DNAH6: variants seen among roughly 807,000 people sequenced by gnomAD.
The protein encoded by DNAH6 is dynein axonemal heavy chain 6.
Under a neutral mutation model 491.4 loss-of-function variants are expected in DNAH6, and 340 were observed. That is an observed-to-expected ratio of 0.69 (90% CI 0.63 to 0.76). The LOEUF is 0.76. Among genes scored for constraint, DNAH6 ranks in the 30% least tolerant of loss-of-function variants. The probability of loss-of-function intolerance (pLI) is 0.00; values close to 1 mark genes in which losing one functional copy is unlikely to be tolerated. For missense variants in DNAH6, 4,443 were observed against 4,972.2 expected, an observed-to-expected ratio of 0.89 and a Z score of 3.20; for synonymous variants, 1,603 against 1,686.1, an observed-to-expected ratio of 0.95 and a Z score of 1.21.
upstream of DNAH6, among the ~76,000 whole-genome samples, chr2:84,512,831 A>G (rs147689353): frequency 2.6e-5 from 4 of 152,300 alleles, no homozygotes; most frequent in African/African-American, 7.2e-5. Flanking sequence ...TACAGTATGC[A>G]TGAAATATCT....
chr2:84,647,867 C>G (rs1690045838), intron 33 of DNAH6, among the ~76,000 whole-genome samples: 1 of 152,172 alleles, frequency 6.6e-6, no homozygotes, highest in African/African-American at 2.4e-5. Context: ...AGTTCTTGAT[C>G]ACTGAAAATG....
chr2:84,696,163 ATATAC>A (rs1695361701), intron 46 of DNAH6, among the ~76,000 whole-genome samples: 1 of 151,850 alleles, frequency 6.6e-6, no homozygotes, highest in Non-Finnish European at 1.5e-5. Flanking sequence ...ATTAATAGCT[ATATAC>A]TATATTTCAT....
At chr2:84,615,721 T>C (rs1254135560) in intron 22 of DNAH6, among the ~76,000 whole-genome samples, 1 of 152,126 alleles carries the variant, frequency 6.6e-6, no homozygotes, top group Non-Finnish European at 1.5e-5. Context: ...CAGCAGTGTT[T>C]TGTAGTTTTC....
At chr2:84,724,643 C>A (rs1228384307) in intron 60 of DNAH6, among the ~76,000 whole-genome samples, 1 of 152,190 alleles carries the variant, frequency 6.6e-6, no homozygotes, top group Non-Finnish European at 1.5e-5. Flanking sequence ...GGACTGCAAA[C>A]ATCTAGAGGC....
intron 53 of DNAH6, 92 bp from the exon 54 acceptor site, chr2:84,707,420 AATAATGCT>A: frequency 8.9e-7 from 1 of 1,123,756 alleles, no homozygotes; most frequent in Non-Finnish European, 1.2e-6. Context: ...TCATTAGCTA[AATAATGCT>A]ATTCTGCTAT....
intron 44 of DNAH6, 137 bp downstream of exon 44, chr2:84,686,694 C>G (rs1480487867): frequency 3.6e-6 from 2 of 561,664 alleles, no homozygotes; most frequent in Non-Finnish European, 6.3e-6. Context: ...AAACTATGGC[C>G]CATGAGCCAC....
intron 19 of DNAH6, among the ~76,000 whole-genome samples, chr2:84,605,022 G>A (rs1573190656): frequency 6.6e-6 from 1 of 152,234 alleles, no homozygotes; most frequent in South Asian, 2.1e-4. Context: ...AAGCAAATTA[G>A]TGTCATCTAT....
Position 84,710,273 on chromosome 2 carries a change from G to A in DNAH6, c.9253-14G>A, listed in dbSNP as rs1407773247. On this transcript the variant is annotated splice_polypyrimidine_tract_variant and intron_variant, in intron 55 of 76. Transcript: ENST00000389394. ...CTCTGAAGCAAATGTTCTGCTCTGTGCTTTTCCAAACAGGCAAACCGTTGG... is the reference window on the plus strand; with the variant it reads ...CTCTGAAGCAAATGTTCTGCTCTGTACTTTTCCAAACAGGCAAACCGTTGG... 2 of 1,551,198 alleles carry A rather than the reference G, an allele frequency of 1.3e-6. No homozygotes were observed. The highest frequency in any genetic ancestry group is 1.7e-6 in the Non-Finnish European group (2 of 1,146,772).
intron 19 of DNAH6, among the ~76,000 whole-genome samples, chr2:84,604,935 C>T (rs1685606138): frequency 6.6e-6 from 1 of 152,202 alleles, no homozygotes; most frequent in Non-Finnish European, 1.5e-5. Flanking sequence ...AAAATATATA[C>T]ACACCTACTA....
At chr2:84,476,570 C>T in the DNAH6 span, among the ~76,000 whole-genome samples, 2 of 152,262 alleles carry the variant, frequency 1.3e-5, no homozygotes, top group Admixed American at 6.5e-5. Flanking sequence ...TTTTTACACT[C>T]ATCCTCCTCT....
intron 63 of DNAH6, among the ~76,000 whole-genome samples, chr2:84,748,552 T>C (rs1558993811): frequency 6.6e-6 from 1 of 152,158 alleles, no homozygotes; most frequent in Non-Finnish European, 1.5e-5. Context: ...CTTATTTCCA[T>C]CTGAGACTTT....
rs954143243 is a variant in DNAH6 at position 84,642,060 on chromosome 2, T to C, written c.5078+6T>C. 19 of 1,528,956 alleles carry C rather than the reference T, an allele frequency of 1.2e-5. No individual in the cohort carries two copies. The highest frequency in any genetic ancestry group is 1.5e-5 in the Non-Finnish European group (17 of 1,127,682). The allele number at this position is 1,528,956 out of a possible 1,614,324, so 94.7% of individuals were successfully genotyped here. ...GATGATGCTCTTCTGTTCAGGTAAG[T>C]TTGTAGACATTACCAAGTAAAGCAT... is the stretch of plus-strand genomic sequence containing the variant. On this transcript the variant is annotated splice_donor_region_variant and intron_variant, in intron 33 of 76. Transcript: ENST00000389394.
intron 59 of DNAH6, 33 bp from the exon 60 acceptor site, chr2:84,722,592 T>A: frequency 6.6e-7 from 1 of 1,509,166 alleles, no homozygotes; most frequent in Non-Finnish European, 8.9e-7. Context: ...CTGGAACAGA[T>A]CCCTAAGAAC....
At chr2:84,471,474 A>T in the DNAH6 span, among the ~76,000 whole-genome samples, 1 of 152,188 alleles carries the variant, frequency 6.6e-6, no homozygotes, top group Non-Finnish European at 1.5e-5. Flanking sequence ...TTCATGCTGA[A>T]TAGGGGCGAT....
chr2:84,525,679 A>T lies in DNAH6; in HGVS notation c.340A>T (p.Ser114Cys). The change falls in exon 3 of 77, where the codon AGT becomes TGT. Residue 114 changes from serine (S) to cysteine (C), a missense_variant. Transcript: ENST00000389394. ...ACGTCCAGTAAGCATAGCAAAAAAA[A>T]GTTTTGCCACATCATCTACTCAGTT... is the stretch of plus-strand genomic sequence containing the variant. ...IKRPVSIAKK[S>C]FATSSTQFLE... The T allele has an allele frequency of 6.5e-7, 1 of 1,550,370 alleles. No individual in the cohort carries two copies. Among genetic ancestry groups the T allele is most frequent in the Non-Finnish European group, 8.7e-7 (1 of 1,146,250 alleles).
intron 75 of DNAH6, among the ~76,000 whole-genome samples, chr2:84,815,505 A>G (rs563479188): frequency 1.3e-5 from 2 of 152,376 alleles, no homozygotes; most frequent in Non-Finnish European, 2.9e-5. Context: ...TAATTTTTAA[A>G]AAAGAGAGAA....
chr2:84,782,102 T>C (rs1204728415), intron 65 of DNAH6, among the ~76,000 whole-genome samples: 1 of 152,142 alleles, frequency 6.6e-6, no homozygotes, highest in Admixed American at 6.6e-5. Context: ...TACATGTGCC[T>C]CAGAGCCACA....
intron 33 of DNAH6, among the ~76,000 whole-genome samples, chr2:84,642,625 CTT>C: frequency 6.6e-6 from 1 of 151,618 alleles, no homozygotes; most frequent in East Asian, 1.9e-4. Context: ...CCTTTTTTGA[CTT>C]TTTTCAGTGG....
Position 84,547,391 on chromosome 2 carries a change from C to A in DNAH6, c.1054C>A (p.Arg352=), listed in dbSNP as rs1002880052. ...LQEFKAAQVI[R]LAEVTERLGE... ...GGAATTTAAGGCCGCACAAGTCATA[C>A]GGCTAGCAGAGGTAACAAATTTTGT... The change falls in exon 6 of 77, where the codon CGG becomes AGG. Residue 352 remains arginine, a synonymous_variant. Coordinates refer to ENST00000389394, the MANE Select transcript of DNAH6 (RefSeq NM_001370.2). The A allele has an allele frequency of 9.0e-6, 14 of 1,551,644 alleles. No homozygotes were observed. In the East Asian group the frequency reaches 3.2e-4, roughly 35 times the overall value.
Sources: gnomAD v4.1 joint callset for allele counts (sites outside exome capture counted in the v4.1 genomes callset) on GRCh38, gnomAD v4.1.1 for gene constraint, MANE v1.5 for transcripts, NCBI Gene and HGNC (gene_info 2026-07-23, HGNC 2026-07-21) for gene names.